VSNL1: variants seen among roughly 807,000 people sequenced by gnomAD.
The protein encoded by VSNL1 is visinin like 1.
A neutral mutation model predicts 20.4 loss-of-function variants in VSNL1; 6 were observed. The observed-to-expected ratio is 0.29, with a 90% confidence interval of 0.16 to 0.58. The LOEUF (loss-of-function observed/expected upper bound fraction) is 0.58, where lower values mean the gene tolerates loss of function less well. VSNL1 is among the 20% of genes least tolerant of loss of function. The pLI is 0.90. For synonymous variants in VSNL1, 93 were observed against 86.4 expected (o/e 1.08, Z -0.42); for missense variants, 100 against 234.5 (o/e 0.43, Z 3.75).
At chr2:17,618,377 G>T (rs1044043178) in intron 2 of VSNL1, among the ~76,000 whole-genome samples, 3 of 152,228 alleles carry the variant, frequency 2.0e-5, no homozygotes, top group African/African-American at 7.2e-5. Flanking sequence ...TTTAAATTCT[G>T]CTGCTTAGCA....
intron 2 of VSNL1, among the ~76,000 whole-genome samples, chr2:17,603,976 C>T (rs898169522): frequency 3.9e-5 from 6 of 152,176 alleles, no homozygotes; most frequent in African/African-American, 1.4e-4. Flanking sequence ...CAGTACTAGA[C>T]TCAACACCAG....
In VSNL1 at chr2:17,590,940, C is replaced by G. The variant is rs1394176318; in HGVS notation, c.-5-1130C>G. On this transcript the variant is annotated intron_variant, in intron 1 of 3. Coordinates refer to ENST00000295156, the MANE Select transcript of VSNL1 (RefSeq NM_003385.5). ...TTTCCAATTTTCAAGTTTAACTTGACTTTTTAAATCAATCTGGGGTTAATT... is the reference window on the plus strand; with the variant it reads ...TTTCCAATTTTCAAGTTTAACTTGAGTTTTTAAATCAATCTGGGGTTAATT... Among the ~76,000 whole-genome samples the G allele has an allele frequency of 2.0e-5, 3 of 152,042 alleles. No individual in the cohort carries two copies. In the East Asian group the frequency reaches 5.8e-4, roughly 29 times the overall value.
At chr2:17,594,634 A>G (rs1021289640) in intron 2 of VSNL1, among the ~76,000 whole-genome samples, 3 of 152,190 alleles carry the variant, frequency 2.0e-5, no homozygotes, top group African/African-American at 7.2e-5. Context: ...GCATCTTGGG[A>G]TGCAACTGAG....
intron 2 of VSNL1, among the ~76,000 whole-genome samples, chr2:17,598,430 C>T (rs964248536): frequency 6.6e-6 from 1 of 152,218 alleles, no homozygotes; most frequent in African/African-American, 2.4e-5. Context: ...CTCAGAATCA[C>T]TTGGGTTGAC....
At chr2:17,581,692 C>G (rs1664352623) in intron 1 of VSNL1, among the ~76,000 whole-genome samples, 1 of 152,224 alleles carries the variant, frequency 6.6e-6, no homozygotes, top group South Asian at 2.1e-4. Flanking sequence ...TGTTCTCTCT[C>G]TCTTCCTCAT....
chr2:17,563,971 C>T (rs1370044890), intron 1 of VSNL1, among the ~76,000 whole-genome samples: 1 of 152,008 alleles, frequency 6.6e-6, no homozygotes, highest in East Asian at 1.9e-4. Flanking sequence ...AAAATCAATT[C>T]CTTTAATTAC....
chr2:17,631,707 A>G (rs1665634161), intron 2 of VSNL1, among the ~76,000 whole-genome samples: 1 of 152,274 alleles, frequency 6.6e-6, no homozygotes, highest in African/African-American at 2.4e-5. Context: ...AATATTAATC[A>G]GCCACTAAAA....
intron 1 of VSNL1, among the ~76,000 whole-genome samples, chr2:17,580,992 C>A (rs1176771695): frequency 6.6e-6 from 1 of 152,174 alleles, no homozygotes; most frequent in East Asian, 1.9e-4. Context: ...AAATTATGAA[C>A]TGACCAAACT....
chr2:17,590,262 C>A (rs1664569485), intron 1 of VSNL1, among the ~76,000 whole-genome samples: 1 of 152,140 alleles, frequency 6.6e-6, no homozygotes, highest in African/African-American at 2.4e-5. Context: ...TACCAAAAAA[C>A]CAAAGTAAAG....
intron 2 of VSNL1, among the ~76,000 whole-genome samples, chr2:17,625,729 C>T (rs1382504796): frequency 6.6e-6 from 1 of 152,050 alleles, no homozygotes; most frequent in Non-Finnish European, 1.5e-5. Flanking sequence ...TCCTCTACTA[C>T]TAAGCAGCTC....
intron 2 of VSNL1, among the ~76,000 whole-genome samples, chr2:17,639,174 A>T (rs1254079567): frequency 6.6e-6 from 1 of 152,046 alleles, no homozygotes; most frequent in Non-Finnish European, 1.5e-5. Flanking sequence ...ATAACATCTC[A>T]TGTTGCAAAA....
intron 1 of VSNL1, among the ~76,000 whole-genome samples, chr2:17,555,662 G>A (rs575575589): frequency 6.0e-4 from 91 of 152,252 alleles, no homozygotes; most frequent in African/African-American, 2.1e-3. Context: ...TTATGTTTTA[G>A]TTTAAATAAA....
chr2:17,598,222 G>A (rs1181411349), intron 2 of VSNL1, among the ~76,000 whole-genome samples: 1 of 152,186 alleles, frequency 6.6e-6, no homozygotes, highest in Non-Finnish European at 1.5e-5. Context: ...TCCTAAAGTT[G>A]TACACAAACA....
intron 1 of VSNL1, among the ~76,000 whole-genome samples, chr2:17,585,502 G>A (rs963157777): frequency 6.6e-6 from 1 of 152,046 alleles, no homozygotes; most frequent in Non-Finnish European, 1.5e-5. Flanking sequence ...CCAAGGGGGT[G>A]GTGCTGGGGG....
At chr2:17,616,908 G>T (rs1209209593) in intron 2 of VSNL1, among the ~76,000 whole-genome samples, 1 of 152,170 alleles carries the variant, frequency 6.6e-6, no homozygotes, top group Non-Finnish European at 1.5e-5. Flanking sequence ...ATTTCAGAAT[G>T]GACACTATTC....
intron 2 of VSNL1, among the ~76,000 whole-genome samples, chr2:17,648,207 T>C (rs1174308793): frequency 1.3e-5 from 2 of 152,220 alleles, no homozygotes; most frequent in African/African-American, 4.8e-5. Context: ...GCCCCATGTA[T>C]AGAATCCTTC....
rs185707291 is a variant in VSNL1 at position 17,613,936 on chromosome 2, G to A, written c.162+21700G>A. On this transcript the variant is annotated intron_variant, in intron 2 of 3. Transcript: ENST00000295156. ...TCAAGAGGAGAGAGATAGACAGTTC[G>A]CTGTATTAGGCAAATTGTGCTCAGC... Among the ~76,000 whole-genome samples, 11 of 152,316 alleles carry A rather than the reference G, an allele frequency of 7.2e-5. No homozygotes were observed. The South Asian group carries it at 1.7e-3, about 23-fold the overall frequency.
intron 3 of VSNL1, among the ~76,000 whole-genome samples, chr2:17,654,922 G>T (rs775170363): frequency 6.6e-6 from 1 of 152,162 alleles, no homozygotes; most frequent in Non-Finnish European, 1.5e-5. Context: ...CCAAGCCCTG[G>T]ACTTACAGGA....
At chr2:17,597,723 C>T (rs1664740711) in intron 2 of VSNL1, among the ~76,000 whole-genome samples, 2 of 152,108 alleles carry the variant, frequency 1.3e-5, no homozygotes, top group South Asian at 4.1e-4. Context: ...CAGGCTTATC[C>T]ATTGGTTCAT....
Sources: allele counts gnomAD v4.1 joint callset (sites outside exome capture counted in the v4.1 genomes callset), GRCh38; gene constraint gnomAD v4.1.1; transcripts MANE v1.5; gene names NCBI Gene and HGNC (gene_info 2026-07-23, HGNC 2026-07-21).